The following CDH24 variants were observed in gnomAD, a reference collection of about 807,000 sequenced individuals.
CDH24 encodes cadherin 24.
CDH24 carries 61 observed loss-of-function variants against 71.2 expected under a neutral mutation model. The observed-to-expected ratio is 0.86, with a 90% CI of 0.70 to 1.06. The LOEUF (loss-of-function observed/expected upper bound fraction) is 1.06, where lower values mean the gene tolerates loss of function less well. Ranked by LOEUF, CDH24 falls within the 50% of genes least tolerant of loss-of-function variation. CDH24 has a pLI of 0.00. For missense variants in CDH24, 961 were observed against 1,083.7 expected, an observed-to-expected ratio of 0.89 and a Z score of 1.59; for synonymous variants, 440 against 470.2, an observed-to-expected ratio of 0.94 and a Z score of 0.83.
At position 23,054,609 on chromosome 14, in the gene CDH24, G is replaced by A. The variant is rs2047111198; in HGVS notation, c.681C>T (p.Ile227=). 1.9e-6 allele frequency: 3 copies of A among 1,614,084 alleles called. No individual in the cohort carries two copies. In the East Asian group the frequency reaches 6.7e-5, roughly 36 times the overall value. Residue 227 remains isoleucine (I), a synonymous_variant, in exon 5 of 13, where the codon ATC becomes ATT. Transcript: ENST00000487137. The surrounding 1 kb of genome is among the most constrained non-coding windows in gnomAD (Gnocchi z 5.2). ...TGTGGCCGCCCATGTCCTTGGCCTG[G>A]ATCACCACCAAGAACTCCTCCTGTG... ...RETQEEFLVV[I]QAKDMGGHMG...
rs542159611 is a variant in CDH24, at chr14:23,047,578, A to C, written c.*402T>G. Reference sequence around the variant, plus strand: ...AGTCACAGGGACCCAGAGAGAAGGAAGGGAGATGTGGGCAGGAGACAGACA... The same window carrying C: ...AGTCACAGGGACCCAGAGAGAAGGACGGGAGATGTGGGCAGGAGACAGACA... On this transcript the variant is annotated 3_prime_UTR_variant, in exon 12 of 13. Transcript: ENST00000487137. The C allele has an allele frequency of 1.9e-5, 3 of 161,534 alleles. No individual in the cohort carries two copies. The highest frequency in any genetic ancestry group is 1.8e-4 in the East Asian group (1 of 5,676). The allele number at this position is 161,534 out of a possible 1,614,324, so 10.0% of individuals were successfully genotyped here.
chr14:23,048,246 G>C lies in CDH24; in HGVS notation c.2080C>G (p.Pro694Ala). The change falls in exon 12 of 13, where the codon CCC becomes GCC. Residue 694 changes from proline to alanine, a missense_variant. Pro to Ala is a conservative substitution (Grantham distance 27). Coordinates refer to ENST00000487137, the MANE Select transcript of CDH24 (RefSeq NM_144985.4). ...VLPRARVSRQ[P>A]RPPGPADVAQ... The stretch of plus-strand genomic sequence containing the variant: ...ACGTCGGCGGGGCCGGGGGGTCTGG[G>C]CTGGCGCGACACCCGGGCCCGGGGC... The C allele has an allele frequency of 1.4e-6, 2 of 1,390,012 alleles. No individual in the cohort carries two copies. The highest frequency in any genetic ancestry group is 1.9e-6 in the Non-Finnish European group (2 of 1,078,718). 86.1% of individuals were successfully genotyped at this position (1,390,012 alleles called of 1,614,324 possible). A position where few individuals can be genotyped will look rare whatever the true frequency, so the allele number is the denominator to read the frequency against.
Position 23,055,728 on chromosome 14 carries a change from C to T in CDH24, c.6G>A (p.Trp2Ter), listed in dbSNP as rs1233354277. The T allele has an allele frequency of 4.4e-6, 7 of 1,580,066 alleles. No individual in the cohort carries two copies. Residue 2 changes from tryptophan to a stop codon, truncating the protein, a stop_gained, in exon 2 of 13, where the codon TGG (tryptophan) becomes TGA (stop). Coordinates refer to ENST00000487137, the MANE Select transcript of CDH24 (RefSeq NM_144985.4). LOFTEE classifies it high-confidence loss of function. The surrounding 1 kb of genome is among the most constrained non-coding windows in gnomAD (Gnocchi z 4.1). ...AGGCCAGCAGGAGCCTCACCAGGCC[C>T]CACATGTTTGGACTCCAGCCAGGGC... The part of the protein sequence containing the change: M[W>*]GLVRLLLAWL...
In CDH24 at chr14:23,055,171, C is replaced by T; in HGVS notation, c.384G>A (p.Arg128=). 1 of 1,614,144 alleles carries T rather than the reference C, an allele frequency of 6.2e-7. No homozygotes were observed. Among genetic ancestry groups the T allele is most frequent in the Non-Finnish European group, 8.5e-7 (1 of 1,180,010 alleles). The change falls in exon 3 of 13, where the codon CGG becomes CGA. Residue 128 remains arginine (R), a synonymous_variant. Transcript: ENST00000487137. This position sits in a 1 kb window ranked among gnomAD's most constrained non-coding sequence, Gnocchi z 4.1. The part of the protein sequence containing the change: ...LAQAVDRASN[R]PLEPPSEFII... ...TGAACTCTGATGGGGGCTCCAGGGGCCGGTTGGAGGCTCGGTCCACGGCTT... is the reference window on the plus strand; with the variant it reads ...TGAACTCTGATGGGGGCTCCAGGGGTCGGTTGGAGGCTCGGTCCACGGCTT...
chr14:23,054,471 A>G lies in CDH24; in HGVS notation c.784+35T>C. The stretch of plus-strand genomic sequence containing the variant: ...CAGACACTGTAGGGGTGGGGTGATC[A>G]AAGGATGGCTCAGGTGGCAGCAATG... On this transcript the variant is annotated intron_variant, in intron 5 of 12. Coordinates refer to ENST00000487137, the MANE Select transcript of CDH24 (RefSeq NM_144985.4). The surrounding 1 kb of genome is among the most constrained non-coding windows in gnomAD (Gnocchi z 5.2). 1 of 1,598,262 alleles carries G rather than the reference A, an allele frequency of 6.3e-7. No individual in the cohort carries two copies. Among genetic ancestry groups the G allele is most frequent in the Non-Finnish European group, 8.5e-7 (1 of 1,170,464 alleles).
Position 23,054,008 on chromosome 14 carries a change from T to A in CDH24, c.972+133A>T. ...AAGCTCCAGGGCCTCATCTGAAGGA[T>A]GAGGAGGTGACCATGATCTCTAAGC... On this transcript the variant is annotated intron_variant, in intron 6 of 12. Transcript: ENST00000487137. The surrounding 1 kb of genome is among the most constrained non-coding windows in gnomAD (Gnocchi z 5.2). 1.0e-6 allele frequency: 1 copy of A among 992,762 alleles called. No homozygotes were observed. Among genetic ancestry groups the A allele is most frequent in the Non-Finnish European group, 1.5e-6 (1 of 682,342 alleles). 61.5% of individuals were successfully genotyped at this position (992,762 alleles called of 1,614,324 possible). A position where few individuals can be genotyped will look rare whatever the true frequency, so the allele number is the denominator to read the frequency against.
chr14:23,053,455 C>T (rs1018052102), intron 7 of CDH24, 41 bp downstream of exon 7: 1 of 1,517,828 alleles, frequency 6.6e-7, no homozygotes, highest in Non-Finnish European at 8.9e-7. Context: ...GTGGGAAGAG[C>T]CTGCCATCTG....
intron 10 of CDH24, 60 bp downstream of exon 10, chr14:23,049,567 T>TGGA: frequency 9.8e-7 from 1 of 1,021,296 alleles, no homozygotes; most frequent in Non-Finnish European, 1.5e-6. Context: ...GGGCTAGGGG[T>TGGA]GGAGGAGGAG....
rs772518973 is a variant in CDH24, at chr14:23,053,530, C to T, written c.1192G>A (p.Ala398Thr). 2.2e-5 allele frequency: 35 copies of T among 1,594,458 alleles called. No homozygotes were observed. The highest frequency in any genetic ancestry group is 1.7e-4 in the Middle Eastern group (1 of 5,966). The change falls in exon 7 of 13, where the codon GCG becomes ACG. Residue 398 changes from alanine (A) to threonine (T), a missense_variant. Around this residue, in one of 2 missense-constraint regions of CDH24, gnomAD observed 671 missense variants for 810.9 expected, o/e 0.83. Coordinates refer to ENST00000487137, the MANE Select transcript of CDH24 (RefSeq NM_144985.4). ...APGTLVGQIS[A>T]ADLDSPASPI... The stretch of plus-strand genomic sequence containing the variant: ...CTGGCAGGGGAGTCCAGGTCAGCCG[C>T]GGAGATCTGGCCTACCAGGGTCCCC...
rs769096080 is a variant in CDH24 at position 23,049,670 on chromosome 14, A to G, written c.1554T>C (p.Gly518=). 1.9e-6 allele frequency: 3 copies of G among 1,608,890 alleles called. No individual in the cohort carries two copies. In the East Asian group the frequency reaches 6.7e-5, roughly 36 times the overall value. The change falls in exon 10 of 13, where the codon GGT becomes GGC. Residue 518 remains glycine, a synonymous_variant. Coordinates refer to ENST00000487137, the MANE Select transcript of CDH24 (RefSeq NM_144985.4). Reference sequence around the variant, plus strand: ...TAAAGTTGGCATCAGGGCCCAGAGGACCTTGAAAGGAGACATGGCTACTGT... The same window carrying G: ...TAAAGTTGGCATCAGGGCCCAGAGGGCCTTGAAAGGAGACATGGCTACTGT... ...VGNSSHVSFQ[G]PLGPDANFTV... is the part of the protein sequence containing the mutation.
rs2047125566 is a variant in CDH24, at chr14:23,055,827, G to T, written c.-94C>A. The stretch of plus-strand genomic sequence containing the variant: ...ATGAGCTGGCTGGGGTGGAGGGGCA[G>T]ATGCGTTGAGGCTACCCCATGGATC... On this transcript the variant is annotated 5_prime_UTR_variant, in exon 2 of 13. It adds an upstream start codon to the 5' untranslated region. Transcript: ENST00000487137. The surrounding 1 kb of genome is among the most constrained non-coding windows in gnomAD (Gnocchi z 4.1). The T allele has an allele frequency of 1.9e-6, 2 of 1,069,214 alleles. No homozygotes were observed. Among genetic ancestry groups the T allele is most frequent in the Non-Finnish European group, 2.6e-6 (2 of 758,666 alleles). The allele number at this position is 1,069,214 out of a possible 1,614,324, so 66.2% of individuals were successfully genotyped here.
At position 23,055,542 on chromosome 14, in the gene CDH24, G is replaced by A; in HGVS notation, c.192C>T (p.Leu64=). The change falls in exon 2 of 13, where the codon CTC becomes CTT. Residue 64 remains leucine, a synonymous_variant. Transcript: ENST00000487137. The surrounding 1 kb of genome is among the most constrained non-coding windows in gnomAD (Gnocchi z 4.1). The stretch of plus-strand genomic sequence containing the variant: ...GAGGGGTCATCCTTACCTTGCCAAT[G>A]AGAACAGGCTCTGGACCAGCATATT... ...IEEYAGPEPV[L]IGKLHSDVDR... 6.2e-7 allele frequency: 1 copy of A among 1,613,904 alleles called. No homozygotes were observed. The highest frequency in any genetic ancestry group is 1.1e-5 in the South Asian group (1 of 91,056).
chr14:23,052,347 C>G (rs749232204), intron 8 of CDH24, 126 bp downstream of exon 8: 1 of 1,031,854 alleles, frequency 9.7e-7, no homozygotes, highest in South Asian at 1.4e-5. Flanking sequence ...CAGATCCAGG[C>G]TAGGACTCAG....
Position 23,048,488 on chromosome 14 carries a change from G to A in CDH24, c.1847-9C>T, listed in dbSNP as rs1480667822. ...GAAGAGCACCACCAGGGCTGCGCGAGAGGCGCGCACACAGGCCCTGAGCCA... is the reference window on the plus strand; with the variant it reads ...GAAGAGCACCACCAGGGCTGCGCGAAAGGCGCGCACACAGGCCCTGAGCCA... On this transcript the variant is annotated splice_polypyrimidine_tract_variant and intron_variant, in intron 11 of 12. Coordinates refer to ENST00000487137, the MANE Select transcript of CDH24 (RefSeq NM_144985.4). The A allele has an allele frequency of 1.2e-6, 2 of 1,602,712 alleles. No homozygotes were observed. Among genetic ancestry groups the A allele is most frequent in the East Asian group, 2.2e-5 (1 of 44,748 alleles).
Position 23,057,220 on chromosome 14 carries a change from T to G in CDH24, c.-125+183A>C, listed in dbSNP as rs1594729043. 2.1e-5 allele frequency among the ~76,000 whole-genome samples: 3 copies of G among 145,888 alleles called. No homozygotes were observed. Among genetic ancestry groups the G allele is most frequent in the Non-Finnish European group, 3.0e-5 (2 of 65,910 alleles). ...GCAGAGAAGGAAGGGTGAAGAGAAA[T>G]CGAGAGAAGAAAGAGGGAGAGAGGT... On this transcript the variant is annotated intron_variant, in intron 1 of 12. Coordinates refer to ENST00000487137, the MANE Select transcript of CDH24 (RefSeq NM_144985.4). The surrounding 1 kb of genome is among the most constrained non-coding windows in gnomAD (Gnocchi z 5.4).
In CDH24 at chr14:23,049,921, G is replaced by A. The variant is rs572219131; in HGVS notation, c.1386C>T (p.Arg462=). Residue 462 remains arginine, a synonymous_variant, in exon 9 of 13, where the codon CGC becomes CGT. Transcript: ENST00000487137. ...TELDSSAQAS[R]VQVAIQTLDE... The stretch of plus-strand genomic sequence containing the variant: ...CCAGGGTCTGGATGGCCACTTGCAC[G>A]CGCGAGGCCTGTGCAGAACTGTCTG... 7 of 1,613,896 alleles carry A rather than the reference G, an allele frequency of 4.3e-6. No individual in the cohort carries two copies. Among genetic ancestry groups the A allele is most frequent in the East Asian group, 2.2e-5 (1 of 44,888 alleles).
In CDH24 at chr14:23,047,984, G is replaced by A. The variant is rs1255918102; in HGVS notation, c.2342C>T (p.Pro781Leu). ...ELYGAKEPPA[P>L] ...GGGCCGGGCCAGCCCGGGCGCTCAG[G>A]GGGCCGGGGGCTCCTTGGCCCCATA... The change falls in exon 12 of 13, where the codon CCC (proline) becomes CTC (leucine). Residue 781 changes from proline (P) to leucine (L), a missense_variant. Pro to Leu is a moderately conservative substitution (Grantham distance 98, BLOSUM62 -3). Transcript: ENST00000487137. The A allele has an allele frequency of 1.5e-6, 2 of 1,348,988 alleles. No individual in the cohort carries two copies. Among genetic ancestry groups the A allele is most frequent in the South Asian group, 3.5e-5 (2 of 57,260 alleles). The allele number at this position is 1,348,988 out of a possible 1,614,324, so 83.6% of individuals were successfully genotyped here. A position where few individuals can be genotyped will look rare whatever the true frequency, so the allele number is the denominator to read the frequency against.
In CDH24 at chr14:23,048,131, C is replaced by T. The variant is rs1228730441; in HGVS notation, c.2195G>A (p.Gly732Asp). 8.6e-6 allele frequency: 12 copies of T among 1,397,180 alleles called. No individual in the cohort carries two copies. Among genetic ancestry groups the T allele is most frequent in the Non-Finnish European group, 1.1e-5 (12 of 1,079,208 alleles). 86.5% of individuals were successfully genotyped at this position (1,397,180 alleles called of 1,614,324 possible). ...GAGGGAGCCGCAAGAGGAGCCGCGG[C>T]CCTCGTAGCCGTACACCTGCACCGA... ...YDSVQVYGYE[G>D]RGSSCGSLSS... is the part of the protein sequence containing the mutation. Residue 732 changes from glycine (G) to aspartate (D), a missense_variant, in exon 12 of 13, where the codon GGC (glycine) becomes GAC (aspartate). By Grantham distance (94) the Gly-to-Asp change is moderately conservative (BLOSUM62 -1). Around this residue, in one of 2 missense-constraint regions of CDH24, gnomAD observed 290 missense variants for 272.8 expected, o/e 1.06. Transcript: ENST00000487137.
chr14:23,047,991 G>A lies in CDH24; in HGVS notation c.2335C>T (p.Pro779Ser). Reference sequence around the variant, plus strand: ...GCCAGCCCGGGCGCTCAGGGGGCCGGGGGCTCCTTGGCCCCATACAGCTCG... The same window carrying A: ...GCCAGCCCGGGCGCTCAGGGGGCCGAGGGCTCCTTGGCCCCATACAGCTCG... ...LAELYGAKEP[P>S]AP Residue 779 changes from proline (P) to serine (S), a missense_variant, in exon 12 of 13, where the codon CCG becomes TCG. Pro to Ser is a moderately conservative substitution (Grantham distance 74). Coordinates refer to ENST00000487137, the MANE Select transcript of CDH24 (RefSeq NM_144985.4). 1 of 1,369,786 alleles carries A rather than the reference G, an allele frequency of 7.3e-7. No individual in the cohort carries two copies. Among genetic ancestry groups the A allele is most frequent in the Non-Finnish European group, 9.4e-7 (1 of 1,066,146 alleles). 84.9% of individuals were successfully genotyped at this position (1,369,786 alleles called of 1,614,324 possible). A position where few individuals can be genotyped will look rare whatever the true frequency, so the allele number is the denominator to read the frequency against.
Sources: allele counts gnomAD v4.1 joint callset (sites outside exome capture counted in the v4.1 genomes callset), GRCh38; gene constraint gnomAD v4.1.1; regional missense constraint gnomAD v4.1.1; non-coding constraint Gnocchi (gnomAD v3.1); transcripts MANE v1.5; gene names NCBI Gene and HGNC (gene_info 2026-07-23, HGNC 2026-07-21).